NCAPG: variants seen among roughly 807,000 people sequenced by gnomAD.
NCAPG encodes condensin complex subunit 3.
Under a neutral mutation model 113.1 loss-of-function variants are expected in NCAPG, and 69 were observed. That is an observed-to-expected ratio of 0.61 (90% CI 0.50 to 0.75). NCAPG has a LOEUF of 0.75. NCAPG is among the 30% of genes least tolerant of loss of function. The probability of loss-of-function intolerance (pLI) is 0.00; values close to 1 mark genes in which losing one functional copy is unlikely to be tolerated. For missense variants in NCAPG, 1,058 were observed against 1,177.0 expected, an observed-to-expected ratio of 0.90 and a Z score of 1.48; for synonymous variants, 370 against 415.8, an observed-to-expected ratio of 0.89 and a Z score of 1.34.
At chr4:17,832,807 A>C (rs1340197975) in intron 13 of NCAPG, among the ~76,000 whole-genome samples, 1 of 152,130 alleles carries the variant, frequency 6.6e-6, no homozygotes, top group Non-Finnish European at 1.5e-5. Flanking sequence ...TGAATTGGAC[A>C]GTAAAAGAGG....
At position 17,844,100 on chromosome 4, in the gene NCAPG, G is replaced by A. The variant is rs1319946029; in HGVS notation, c.*675G>A. 6.6e-6 allele frequency: 1 copy of A among 151,828 alleles called. No individual in the cohort carries two copies. Among genetic ancestry groups the A allele is most frequent in the Non-Finnish European group, 1.5e-5 (1 of 67,818 alleles). The allele number at this position is 151,828 out of a possible 1,614,324, so 9.4% of individuals were successfully genotyped here. A position where few individuals can be genotyped will look rare whatever the true frequency, so the allele number is the denominator to read the frequency against. ...ACATAAATGTATTATTAACCATGAAGCTGCTCGCTATATTTTTGGCATAAC... is the reference window on the plus strand; with the variant it reads ...ACATAAATGTATTATTAACCATGAAACTGCTCGCTATATTTTTGGCATAAC... On this transcript the variant is annotated 3_prime_UTR_variant, in exon 21 of 21. Coordinates refer to ENST00000251496, the MANE Select transcript of NCAPG (RefSeq NM_022346.5).
intron 12 of NCAPG, among the ~76,000 whole-genome samples, chr4:17,828,806 AG>A (rs1335469641): frequency 6.6e-6 from 1 of 152,086 alleles, no homozygotes; most frequent in Non-Finnish European, 1.5e-5. Flanking sequence ...AACCCTTTGT[AG>A]GTAATTCCCA....
chr4:17,842,546 T>C (rs1226243061), intron 20 of NCAPG, 167 bp downstream of exon 20: 65 of 580,362 alleles, frequency 1.1e-4, no homozygotes, highest in Non-Finnish European at 2.5e-5. Flanking sequence ...ATCAAGAGCA[T>C]TTGACTTCTT....
At chr4:17,819,084 T>C (rs1721339146) in intron 7 of NCAPG, among the ~76,000 whole-genome samples, 1 of 152,182 alleles carries the variant, frequency 6.6e-6, no homozygotes, top group African/African-American at 2.4e-5. Flanking sequence ...TAACACTGTG[T>C]ATATACTTTT....
chr4:17,814,280 C>G (rs781129320), intron 3 of NCAPG, among the ~76,000 whole-genome samples: 1 of 152,072 alleles, frequency 6.6e-6, no homozygotes, highest in East Asian at 1.9e-4. Context: ...AGAGCCAGTC[C>G]GTTGACTAAT....
chr4:17,838,728 T>C (rs1479757716), intron 16 of NCAPG, among the ~76,000 whole-genome samples: 2 of 152,162 alleles, frequency 1.3e-5, no homozygotes, highest in African/African-American at 4.8e-5. Context: ...GGGTAGATTA[T>C]AGATTGCTTT....
In NCAPG at chr4:17,813,013, G is replaced by A; in HGVS notation, c.412G>A (p.Asp138Asn). The change falls in exon 3 of 21, where the codon GAT (aspartate) becomes AAT (asparagine). Residue 138 changes from aspartate to asparagine, a missense_variant. Transcript: ENST00000251496. ...GCCAGAAAATGCTCAGATTGATGAT[G>A]ATGTGTTTGATAAAATTAATAAAGC... Reference protein sequence around the residue: ...SMPENAQIDDDVFDKINKAML... With the variant: ...SMPENAQIDDNVFDKINKAML... 6.2e-7 allele frequency: 1 copy of A among 1,614,014 alleles called. No individual in the cohort carries two copies. The highest frequency in any genetic ancestry group is 8.5e-7 in the Non-Finnish European group (1 of 1,179,954).
In NCAPG at chr4:17,837,393, C is replaced by T. The variant is rs980151744; in HGVS notation, c.2291+53C>T. 1.8e-5 allele frequency: 26 copies of T among 1,475,584 alleles called. No homozygotes were observed. The Admixed American group carries it at 2.2e-4, about 12-fold the overall frequency. 91.4% of individuals were successfully genotyped at this position (1,475,584 alleles called of 1,614,324 possible). ...ATCTGACTTGACATCAAATTCAAGT[C>T]CCCCATGAATTATATCTATAATGAT... On this transcript the variant is annotated intron_variant, in intron 15 of 20. Transcript: ENST00000251496.
chr4:17,816,485 G>C (rs984083956), intron 5 of NCAPG, among the ~76,000 whole-genome samples: 3 of 152,190 alleles, frequency 2.0e-5, no homozygotes. Flanking sequence ...AGAAGGCCAA[G>C]ATGGCTCTAT....
intron 20 of NCAPG, 63 bp from the exon 21 acceptor site, chr4:17,843,239 A>C: frequency 6.5e-7 from 1 of 1,538,376 alleles, no homozygotes; most frequent in Non-Finnish European, 8.8e-7. Context: ...AAAAAGTTTT[A>C]TTTATAAATA....
At chr4:17,840,035 G>A (rs1722284083) in intron 17 of NCAPG, 36 bp from the exon 18 acceptor site, 7 of 1,576,770 alleles carry the variant, frequency 4.4e-6, no homozygotes, top group Non-Finnish European at 6.0e-6. Context: ...AGGGAATGCG[G>A]TGTTTACAAA....
chr4:17,811,653 AC>A lies in NCAPG; in HGVS notation c.111+467del, dbSNP rs1475800303. Among the ~76,000 whole-genome samples, 2 of 152,204 alleles carry A rather than the reference AC, an allele frequency of 1.3e-5. No homozygotes were observed. Among genetic ancestry groups the A allele is most frequent in the African/African-American group, 2.4e-5 (1 of 41,454 alleles). The stretch of plus-strand genomic sequence containing the variant: ...TCCTACGGTTACGTTGAATCCAATC[AC>A]CAAATACCAAATTATTTTTAGGGCC... On this transcript the variant is annotated intron_variant, in intron 1 of 20. Coordinates refer to ENST00000251496, the MANE Select transcript of NCAPG (RefSeq NM_022346.5). The surrounding 1 kb of genome is among the most constrained non-coding windows in gnomAD (Gnocchi z 5.3).
In NCAPG at chr4:17,843,414, G is replaced by C. The variant is rs1177149492; in HGVS notation, c.3037G>C (p.Asp1013His). 2.5e-6 allele frequency: 4 copies of C among 1,611,076 alleles called. No homozygotes were observed. The highest frequency in any genetic ancestry group is 1.7e-6 in the Non-Finnish European group (2 of 1,177,724). The change falls in exon 21 of 21, where the codon GAT becomes CAT. Residue 1013 changes from aspartate (D) to histidine (H), a missense_variant. Coordinates refer to ENST00000251496, the MANE Select transcript of NCAPG (RefSeq NM_022346.5). ...KLNLAQFLNE[D>H]LS ...TAACCTTGCCCAATTTCTCAATGAA[G>C]ATCTAAGTTAGGAAAGACGATGGAG...
At chr4:17,830,868 T>A (rs779125163) in intron 12 of NCAPG, 129 bp from the exon 13 acceptor site, 15 of 885,168 alleles carry the variant, frequency 1.7e-5, no homozygotes, top group Non-Finnish European at 2.5e-5. Context: ...TCTGGCTATA[T>A]TGTTCTGTTT....
rs543307254 is a variant in NCAPG, at chr4:17,842,188, G to C, written c.2855-122G>C. The C allele has an allele frequency of 9.4e-5, 69 of 733,634 alleles. No homozygotes were observed. In the East Asian group the frequency reaches 1.8e-3, roughly 19 times the overall value. The allele number at this position is 733,634 out of a possible 1,614,324, so 45.4% of individuals were successfully genotyped here. A position where few individuals can be genotyped will look rare whatever the true frequency, so the allele number is the denominator to read the frequency against. ...GTACCAAGATGGCTAGAACAAGTAG[G>C]AGATACATGTGTTGAAAGGATTGTT... On this transcript the variant is annotated intron_variant, in intron 19 of 20. Coordinates refer to ENST00000251496, the MANE Select transcript of NCAPG (RefSeq NM_022346.5).
chr4:17,825,260 T>TCAG, intron 10 of NCAPG, 122 bp from the exon 11 acceptor site: 2 of 912,272 alleles, frequency 2.2e-6, no homozygotes, highest in Non-Finnish European at 3.3e-6. Context: ...ACTACAAGTT[T>TCAG]GCATATGCCT....
intron 14 of NCAPG, among the ~76,000 whole-genome samples, chr4:17,835,819 C>T (rs1359396928): frequency 2.0e-5 from 3 of 152,044 alleles, no homozygotes; most frequent in Admixed American, 2.0e-4. Flanking sequence ...TTTTTGTAGC[C>T]GAATACTCCA....
intron 17 of NCAPG, 23 bp from the exon 18 acceptor site, chr4:17,840,048 G>A (rs1006129379): frequency 4.4e-6 from 7 of 1,588,242 alleles, no homozygotes; most frequent in African/African-American, 4.1e-5. Context: ...TTTACAAAAT[G>A]TTAATAATGT....
Position 17,823,728 on chromosome 4 carries a change from A to C in NCAPG, c.1341A>C (p.Arg447Ser). 1 of 1,598,484 alleles carries C rather than the reference A, an allele frequency of 6.3e-7. No homozygotes were observed. Among genetic ancestry groups the C allele is most frequent in the South Asian group, 1.1e-5 (1 of 90,694 alleles). The change falls in exon 9 of 21, where the codon AGA becomes AGC. Residue 447 changes from arginine to serine, a missense_variant. Transcript: ENST00000251496. ...CCCTGGTTTCTTTTCTTGTTGAAAGACTACTCCACATCATTATAGATGATA... is the reference window on the plus strand; with the variant it reads ...CCCTGGTTTCTTTTCTTGTTGAAAGCCTACTCCACATCATTATAGATGATA... ...PISLVSFLVERLLHIIIDDNK... is the reference protein window; with the variant it reads ...PISLVSFLVESLLHIIIDDNK...
Sources: gnomAD v4.1 joint callset for allele counts (sites outside exome capture counted in the v4.1 genomes callset) on GRCh38, gnomAD v4.1.1 for gene constraint, Gnocchi (gnomAD v3.1) non-coding constraint, MANE v1.5 for transcripts, NCBI Gene and HGNC (gene_info 2026-07-23, HGNC 2026-07-21) for gene names.